Variants in LIX1 observed in about 807,000 individuals in gnomAD.
The protein encoded by LIX1 is limb and CNS expressed 1, also known as protein limb expression 1 homolog.
A neutral mutation model predicts 33.4 loss-of-function variants in LIX1; 24 were observed. The ratio of observed to expected loss-of-function variants is 0.72; its 90% CI spans 0.52 to 1.01. LIX1 has a LOEUF of 1.01. Among genes scored for constraint, LIX1 ranks in the 50% least tolerant of loss-of-function variants. The pLI is 0.00. For missense variants in LIX1, 311 were observed against 339.2 expected (o/e 0.92, Z 0.65); for synonymous variants, 124 against 124.0 (o/e 1.00, Z 0.00).
At chr5:97,102,997 AAATGGGC>A in intron 4 of LIX1, 2 of 437,762 alleles carry the variant, frequency 4.6e-6, no homozygotes, top group South Asian at 3.3e-5. Context: ...AAATTCTACA[AAATGGGC>A]ATTATTATTC....
chr5:97,100,540 C>T (rs1746639984), intron 4 of LIX1, among the ~76,000 whole-genome samples: 1 of 152,136 alleles, frequency 6.6e-6, no homozygotes, highest in South Asian at 2.1e-4. Flanking sequence ...TGTCTCACTT[C>T]TTTATTTCCC....
intron 2 of LIX1, among the ~76,000 whole-genome samples, chr5:97,123,081 T>G (rs937501323): frequency 6.6e-6 from 1 of 152,158 alleles, no homozygotes; most frequent in East Asian, 1.9e-4. Flanking sequence ...CTTTGTCTCT[T>G]TCTGGGCAAT....
chr5:97,118,432 G>T (rs942628715), intron 2 of LIX1, among the ~76,000 whole-genome samples: 2 of 152,128 alleles, frequency 1.3e-5, no homozygotes, highest in Non-Finnish European at 2.9e-5. Context: ...ACAATGAGTG[G>T]CTTTCCTTCT....
intron 1 of LIX1, among the ~76,000 whole-genome samples, chr5:97,138,102 T>A (rs961920721): frequency 1.3e-5 from 2 of 152,072 alleles, no homozygotes; most frequent in Non-Finnish European, 2.9e-5. Flanking sequence ...AATGGAAGAG[T>A]TAATGCACCT....
chr5:97,103,182 G>T, intron 4 of LIX1: 2 of 395,618 alleles, frequency 5.1e-6, no homozygotes, highest in Non-Finnish European at 4.9e-6. Context: ...GTTTTAGATT[G>T]TTATGAAAAA....
chr5:97,119,443 G>C lies in LIX1; in HGVS notation c.246+5023C>G, dbSNP rs540811461. On this transcript the variant is annotated intron_variant, in intron 2 of 5. Transcript: ENST00000274382. ...TGACAAAGAAAAGTGTAAGCACATT[G>C]CTTTAGGAGAAATGTTCTTTCATTT... Among the ~76,000 whole-genome samples the C allele has an allele frequency of 2.6e-5, 4 of 152,280 alleles. No homozygotes were observed. The East Asian group carries it at 7.7e-4, about 29-fold the overall frequency.
At chr5:97,128,525 A>G (rs565363507) in intron 1 of LIX1, among the ~76,000 whole-genome samples, 1 of 152,206 alleles carries the variant, frequency 6.6e-6, no homozygotes, top group African/African-American at 2.4e-5. Flanking sequence ...CTCCCAAACT[A>G]TTCTCCTGCA....
intron 2 of LIX1, among the ~76,000 whole-genome samples, chr5:97,112,878 A>G (rs1339661005): frequency 6.6e-6 from 1 of 151,244 alleles, no homozygotes; most frequent in African/African-American, 2.4e-5. Context: ...AGTTTGTAAG[A>G]TTCCCCAGTG....
At chr5:97,137,869 T>C (rs1432043812) in intron 1 of LIX1, among the ~76,000 whole-genome samples, 1 of 152,156 alleles carries the variant, frequency 6.6e-6, no homozygotes, top group Non-Finnish European at 1.5e-5. Flanking sequence ...TTTATTGATT[T>C]CACATAACTG....
intron 2 of LIX1, among the ~76,000 whole-genome samples, chr5:97,117,510 C>T (rs1403071926): frequency 1.3e-5 from 2 of 152,136 alleles, no homozygotes; most frequent in Admixed American, 1.3e-4. Flanking sequence ...TCATTCTCTA[C>T]TGGGAAAAAC....
intron 2 of LIX1, among the ~76,000 whole-genome samples, chr5:97,116,649 C>T (rs997283162): frequency 1.3e-5 from 2 of 152,134 alleles, no homozygotes; most frequent in Admixed American, 1.3e-4. Context: ...CTGTGTTGTG[C>T]TTTGCTCCTT....
At chr5:97,104,529 G>A (rs1746908468) in intron 4 of LIX1, among the ~76,000 whole-genome samples, 2 of 152,172 alleles carry the variant, frequency 1.3e-5, no homozygotes, top group South Asian at 2.1e-4. Context: ...ACCTCATACA[G>A]TTATTGTGAG....
chr5:97,095,142 C>T, intron 5 of LIX1, 107 bp from the exon 6 acceptor site: 1 of 1,027,298 alleles, frequency 9.7e-7, no homozygotes, highest in Non-Finnish European at 1.4e-6. Flanking sequence ...ATCAACAACC[C>T]CATCTCTCTC....
intron 1 of LIX1, among the ~76,000 whole-genome samples, chr5:97,125,370 A>G (rs1329558538): frequency 2.0e-5 from 3 of 152,250 alleles, no homozygotes; most frequent in Admixed American, 2.0e-4. Flanking sequence ...GTAGAAATTA[A>G]CAAGGATAAT....
chr5:97,118,508 T>A (rs1747693660), intron 2 of LIX1, among the ~76,000 whole-genome samples: 1 of 150,680 alleles, frequency 6.6e-6, no homozygotes, highest in Non-Finnish European at 1.5e-5. Context: ...TGTAAAAAAA[T>A]GGAAATTACT....
At chr5:97,134,944 G>A (rs1285686658) in intron 1 of LIX1, among the ~76,000 whole-genome samples, 2 of 152,140 alleles carry the variant, frequency 1.3e-5, no homozygotes, top group African/African-American at 4.8e-5. Context: ...TCCCAGCAGA[G>A]GGACTTTCCT....
intron 2 of LIX1, among the ~76,000 whole-genome samples, chr5:97,110,839 G>A (rs1279361143): frequency 6.6e-6 from 1 of 151,800 alleles, no homozygotes; most frequent in Non-Finnish European, 1.5e-5. Flanking sequence ...TTTTCTTGGT[G>A]TTGACACACA....
chr5:97,104,783 G>GTT (rs1459922096), intron 4 of LIX1, among the ~76,000 whole-genome samples: 3 of 152,158 alleles, frequency 2.0e-5, no homozygotes, highest in Non-Finnish European at 2.9e-5. Flanking sequence ...GACCCAAGTA[G>GTT]GGTATTGTTT....
intron 1 of LIX1, among the ~76,000 whole-genome samples, chr5:97,135,479 A>C (rs999918403): frequency 6.6e-6 from 1 of 152,228 alleles, no homozygotes; most frequent in East Asian, 1.9e-4. Context: ...CAGAAAGTAC[A>C]TATCTTTCTC....
Sources: gnomAD v4.1 joint callset for allele counts (sites outside exome capture counted in the v4.1 genomes callset) on GRCh38, gnomAD v4.1.1 for gene constraint, MANE v1.5 for transcripts, NCBI Gene and HGNC (gene_info 2026-07-23, HGNC 2026-07-21) for gene names.